The following PTPA variants were observed in gnomAD, a reference collection of about 807,000 sequenced individuals.
PTPA encodes the protein protein phosphatase 2 phosphatase activator.
A neutral mutation model predicts 43.6 loss-of-function variants in PTPA; 13 were observed. The ratio of observed to expected loss-of-function variants is 0.30; its 90% CI spans 0.19 to 0.47. The LOEUF is 0.47. PTPA is among the 20% of genes least tolerant of loss of function. PTPA has a pLI of 0.99. For missense variants in PTPA, 329 were observed against 411.9 expected (o/e 0.80, Z 1.74); for synonymous variants, 172 against 158.2 (o/e 1.09, Z -0.66).
At position 129,147,496 on chromosome 9, in the gene PTPA, C is replaced by T. The variant is rs377007968; in HGVS notation, c.*32C>T. 2.6e-5 allele frequency: 42 copies of T among 1,599,614 alleles called. No homozygotes were observed. The highest frequency in any genetic ancestry group is 3.4e-5 in the Non-Finnish European group (40 of 1,168,550). On this transcript the variant is annotated 3_prime_UTR_variant, in exon 10 of 10. Coordinates refer to ENST00000393370, the MANE Select transcript of PTPA (RefSeq NM_178000.3). ...CCAAGCCGAAGAGCCACCCAGGCCA[C>T]AGTTCCTGTGCCTGCCTTCCCCACC... is the stretch of plus-strand genomic sequence containing the variant.
rs377239286 is a variant in PTPA, at chr9:129,147,468, G to A, written c.*4G>A. 1.2e-6 allele frequency: 2 copies of A among 1,613,248 alleles called. No homozygotes were observed. Among genetic ancestry groups the A allele is most frequent in the Admixed American group, 3.3e-5 (2 of 59,982 alleles). ...CCATCCTGTCACGTCGGGCTAGGAG[G>A]GGCCAAGCCGAAGAGCCACCCAGGC... On this transcript the variant is annotated 3_prime_UTR_variant, in exon 10 of 10. Coordinates refer to ENST00000393370, the MANE Select transcript of PTPA (RefSeq NM_178000.3).
At chr9:129,127,279 T>G (rs1335903397) in intron 3 of PTPA, among the ~76,000 whole-genome samples, 1 of 152,186 alleles carries the variant, frequency 6.6e-6, no homozygotes, top group South Asian at 2.1e-4. Context: ...ATGGCCAGCC[T>G]GTTTCATTAG....
intron 1 of PTPA, among the ~76,000 whole-genome samples, chr9:129,116,096 C>T (rs1848844357): frequency 6.6e-6 from 1 of 151,882 alleles, no homozygotes; most frequent in Non-Finnish European, 1.5e-5. Context: ...CCTCGGCTCA[C>T]TGCAACCTCT....
chr9:129,120,309 A>G (rs1849165090), intron 1 of PTPA, among the ~76,000 whole-genome samples: 1 of 151,730 alleles, frequency 6.6e-6, no homozygotes, highest in South Asian at 2.1e-4. Flanking sequence ...CTGTAATCTC[A>G]GCTACTCAGG....
chr9:129,144,758 TCAC>T (rs1205280860), intron 9 of PTPA, among the ~76,000 whole-genome samples: 17 of 126,088 alleles, frequency 1.3e-4, no homozygotes, highest in African/African-American at 2.4e-4. Flanking sequence ...AAAAAAAAGA[TCAC>T]CAAGTCTTTG....
intron 5 of PTPA, among the ~76,000 whole-genome samples, chr9:129,132,463 C>T (rs1276198855): frequency 1.3e-5 from 2 of 152,132 alleles, no homozygotes; most frequent in Admixed American, 1.3e-4. Context: ...TCCCCACTCC[C>T]CAGTACCTGG....
At chr9:129,129,173 T>A in intron 4 of PTPA, 63 bp downstream of exon 4, 1 of 1,597,230 alleles carries the variant, frequency 6.3e-7, no homozygotes, top group South Asian at 1.1e-5. Flanking sequence ...TGGCACCAGT[T>A]GGGGAAGGGC....
Position 129,147,722 on chromosome 9 carries a change from T to C in PTPA, c.*258T>C. ...TGGCCAGAAGAGAGGGTCTGGGGCCTGGTCACTCGGCCACTCTCTCCTGTT... is the reference window on the plus strand; with the variant it reads ...TGGCCAGAAGAGAGGGTCTGGGGCCCGGTCACTCGGCCACTCTCTCCTGTT... On this transcript the variant is annotated 3_prime_UTR_variant, in exon 10 of 10. Coordinates refer to ENST00000393370, the MANE Select transcript of PTPA (RefSeq NM_178000.3). The C allele has an allele frequency of 2.1e-6, 1 of 477,832 alleles. No homozygotes were observed. The highest frequency in any genetic ancestry group is 2.0e-5 in the African/African-American group (1 of 50,706). The allele number at this position is 477,832 out of a possible 1,614,324, so 29.6% of individuals were successfully genotyped here.
intron 8 of PTPA, 139 bp from the exon 9 acceptor site, chr9:129,142,306 A>G (rs1173798033): frequency 2.7e-6 from 2 of 734,400 alleles, no homozygotes; most frequent in African/African-American, 3.6e-5. Flanking sequence ...TTGGTCCCCA[A>G]GTGTCTGCGC....
chr9:129,134,296 CTTTTTTTTTTTTTTTTT>C (rs68089837), intron 5 of PTPA, among the ~76,000 whole-genome samples: 16 of 56,890 alleles, frequency 2.8e-4, no homozygotes, highest in African/African-American at 1.3e-3. Context: ...ACTGGTAGTT[CTTTTTTTTTTTTTTTTT>C]TTTTTTTTTT....
At chr9:129,124,172 C>T (rs1230115426) in intron 3 of PTPA, among the ~76,000 whole-genome samples, 1 of 152,160 alleles carries the variant, frequency 6.6e-6, no homozygotes, top group Non-Finnish European at 1.5e-5. Context: ...TTCTCTTCTC[C>T]TGCAGTGAGC....
chr9:129,144,736 C>CAAA (rs35064318), intron 9 of PTPA, among the ~76,000 whole-genome samples: 1 of 108,052 alleles, frequency 9.3e-6, no homozygotes, highest in African/African-American at 3.7e-5. Context: ...GAGACTCTCT[C>CAAA]AAAAAAAAAA....
intron 4 of PTPA, 72 bp downstream of exon 4, chr9:129,129,182 G>A: frequency 1.9e-6 from 3 of 1,584,934 alleles, no homozygotes; most frequent in Non-Finnish European, 2.6e-6. Flanking sequence ...TTGGGGAAGG[G>A]CCTGCATTGT....
intron 1 of PTPA, among the ~76,000 whole-genome samples, chr9:129,114,219 C>T (rs772161836): frequency 5.3e-5 from 8 of 152,142 alleles, no homozygotes; most frequent in Non-Finnish European, 8.8e-5. Flanking sequence ...GATGGGATTT[C>T]GCCGTGTGGG....
chr9:129,142,318 TGCATTGTGTGC>T, intron 8 of PTPA, 116 bp from the exon 9 acceptor site: 1 of 837,418 alleles, frequency 1.2e-6, no homozygotes, highest in South Asian at 2.0e-5. Flanking sequence ...TGTCTGCGCG[TGCATTGTGTGC>T]GTGTGCGTTT....
Position 129,147,756 on chromosome 9 carries a change from C to T in PTPA, c.*292C>T. 2.4e-6 allele frequency: 1 copy of T among 416,054 alleles called. No individual in the cohort carries two copies. Among genetic ancestry groups the T allele is most frequent in the Non-Finnish European group, 4.5e-6 (1 of 222,208 alleles). 25.8% of individuals were successfully genotyped at this position (416,054 alleles called of 1,614,324 possible). On this transcript the variant is annotated 3_prime_UTR_variant, in exon 10 of 10. Transcript: ENST00000393370. ...GGCCACTCTCTCCTGTTTCTGGCCT[C>T]TTCTCCCTTCACTCCCGTCCAGTCT...
chr9:129,122,834 C>G (rs1398489489), intron 2 of PTPA, among the ~76,000 whole-genome samples: 3 of 152,202 alleles, frequency 2.0e-5, no homozygotes, highest in Admixed American at 6.5e-5. Flanking sequence ...GGCTGGAGAT[C>G]AGCGTGTTGC....
intron 7 of PTPA, among the ~76,000 whole-genome samples, chr9:129,136,798 G>A (rs1850402736): frequency 6.6e-6 from 1 of 152,260 alleles, no homozygotes; most frequent in Admixed American, 6.5e-5. Context: ...GTGGTGGGCT[G>A]GAGGAGGCGG....
chr9:129,122,642 A>C (rs1426306317), intron 2 of PTPA, among the ~76,000 whole-genome samples: 2 of 152,196 alleles, frequency 1.3e-5, no homozygotes, highest in East Asian at 3.9e-4. Flanking sequence ...TCAGCTTTGA[A>C]GTTAGGCTAC....
Sources: gnomAD v4.1 joint callset for allele counts (sites outside exome capture counted in the v4.1 genomes callset) on GRCh38, gnomAD v4.1.1 for gene constraint, MANE v1.5 for transcripts, NCBI Gene and HGNC (gene_info 2026-07-23, HGNC 2026-07-21) for gene names.